TMEM117: variants seen among roughly 807,000 people sequenced by gnomAD.
The protein encoded by TMEM117 is transmembrane protein 117.
In TMEM117, 27 loss-of-function variants were observed where a neutral mutation model predicts 52.4. The observed-to-expected ratio is 0.51, with a 90% CI of 0.38 to 0.71. The LOEUF is 0.71. Among genes scored for constraint, TMEM117 ranks in the 30% least tolerant of loss-of-function variants. The pLI is 0.00. For synonymous variants in TMEM117, 215 were observed against 206.3 expected, an observed-to-expected ratio of 1.04 and a Z score of -0.36; for missense variants, 556 against 630.5, an observed-to-expected ratio of 0.88 and a Z score of 1.26.
At chr12:44,220,679 G>A (rs918973772) in intron 5 of TMEM117, among the ~76,000 whole-genome samples, 11 of 152,180 alleles carry the variant, frequency 7.2e-5, no homozygotes, top group African/African-American at 2.4e-4. Flanking sequence ...TAAATCTGGG[G>A]TAGAGAATAT....
intron 3 of TMEM117, among the ~76,000 whole-genome samples, chr12:44,117,795 AATG>A (rs1359677738): frequency 2.0e-5 from 3 of 152,026 alleles, no homozygotes; most frequent in Non-Finnish European, 4.4e-5. Flanking sequence ...TATATGTCGG[AATG>A]ATATTATTTG....
chr12:44,164,126 G>A (rs1376755083), intron 4 of TMEM117, among the ~76,000 whole-genome samples: 6 of 152,114 alleles, frequency 3.9e-5, no homozygotes, highest in African/African-American at 1.4e-4. Flanking sequence ...AGAGAAACCC[G>A]AGAGACAGCA....
intron 4 of TMEM117, among the ~76,000 whole-genome samples, chr12:44,193,940 A>G (rs1949386387): frequency 6.6e-6 from 1 of 152,208 alleles, no homozygotes; most frequent in South Asian, 2.1e-4. Flanking sequence ...AAACACAGAA[A>G]CAAGTGTCAT....
chr12:44,331,236 C>T (rs565386126), intron 6 of TMEM117, among the ~76,000 whole-genome samples: 1 of 151,452 alleles, frequency 6.6e-6, no homozygotes, highest in Non-Finnish European at 1.5e-5. Flanking sequence ...GCAGGTGAGC[C>T]ACCTTAGTAG....
chr12:44,001,886 G>A (rs191023766), intron 3 of TMEM117, among the ~76,000 whole-genome samples: 29 of 152,274 alleles, frequency 1.9e-4, no homozygotes, highest in African/African-American at 7.0e-4. Context: ...ATGTTTTGAG[G>A]ATTCTGCCTT....
intron 5 of TMEM117, among the ~76,000 whole-genome samples, chr12:44,240,960 A>G (rs1310870958): frequency 2.0e-5 from 3 of 151,964 alleles, no homozygotes; most frequent in African/African-American, 4.8e-5. Context: ...TCTCCCCACT[A>G]TTGAATCATG....
chr12:44,139,176 G>C (rs1256934970), intron 3 of TMEM117, among the ~76,000 whole-genome samples: 1 of 152,062 alleles, frequency 6.6e-6, no homozygotes, highest in Non-Finnish European at 1.5e-5. Context: ...GTGAAGTATG[G>C]ATCCATATTG....
intron 5 of TMEM117, among the ~76,000 whole-genome samples, chr12:44,285,565 CAA>C (rs1950628680): frequency 6.6e-6 from 1 of 152,200 alleles, no homozygotes; most frequent in South Asian, 2.1e-4. Flanking sequence ...TTCCTGATCT[CAA>C]GAGTAGGAAA....
At chr12:43,898,305 C>A (rs1296681010) in intron 2 of TMEM117, among the ~76,000 whole-genome samples, 1 of 150,986 alleles carries the variant, frequency 6.6e-6, no homozygotes, top group Non-Finnish European at 1.5e-5. Context: ...CATATGAATG[C>A]CCTTTTAGGT....
chr12:44,255,805 A>G (rs972569945), intron 5 of TMEM117, among the ~76,000 whole-genome samples: 2 of 152,130 alleles, frequency 1.3e-5, no homozygotes, highest in African/African-American at 2.4e-5. Context: ...ATTTTCCGCT[A>G]TACCCTTTTC....
chr12:43,797,129 G>T, the TMEM117 span: 1 of 1,551,864 alleles, frequency 6.4e-7, no homozygotes, highest in East Asian at 2.3e-5. Context: ...AATATAATTA[G>T]CATATCAATA....
At chr12:44,053,006 G>C (rs12319385) in intron 3 of TMEM117, among the ~76,000 whole-genome samples, 3,717 of 152,136 alleles carry the variant, frequency 0.024, 82 homozygotes, top group Middle Eastern at 0.058. Flanking sequence ...TCCAGGTCAG[G>C]GTGCAAAAGT....
chr12:43,878,974 C>G (rs1943850032), intron 2 of TMEM117, among the ~76,000 whole-genome samples: 1 of 152,098 alleles, frequency 6.6e-6, no homozygotes, highest in South Asian at 2.1e-4. Context: ...CTTGATTAGC[C>G]AGTAATACTT....
chr12:43,885,303 CTTG>C (rs1943971786), intron 2 of TMEM117, among the ~76,000 whole-genome samples: 1 of 152,044 alleles, frequency 6.6e-6, no homozygotes, highest in Non-Finnish European at 1.5e-5. Flanking sequence ...CCTGTGTAGG[CTTG>C]TTGTCAACAT....
chr12:44,179,170 G>C (rs993745482), intron 4 of TMEM117, among the ~76,000 whole-genome samples: 14 of 152,038 alleles, frequency 9.2e-5, no homozygotes, highest in African/African-American at 3.4e-4. Context: ...TCCAGCCTGG[G>C]CAACAAGAGC....
chr12:43,845,192 G>A (rs1051898854), intron 2 of TMEM117, among the ~76,000 whole-genome samples: 1 of 152,094 alleles, frequency 6.6e-6, no homozygotes, highest in African/African-American at 2.4e-5. Context: ...CAGGTGTGGT[G>A]GCTCACGCCA....
At position 44,352,148 on chromosome 12, in the gene TMEM117, G is replaced by A. The variant is rs1294715679; in HGVS notation, c.769-24447G>A. Among the ~76,000 whole-genome samples, 3 of 151,986 alleles carry A rather than the reference G, an allele frequency of 2.0e-5. No individual in the cohort carries two copies. The East Asian group carries it at 5.8e-4, about 29-fold the overall frequency. The stretch of plus-strand genomic sequence containing the variant: ...TAAAAAGCTAAATACTTGAGGGGAT[G>A]GACACCCCATTTTTCATTATGTGAT... On this transcript the variant is annotated intron_variant, in intron 6 of 7. Coordinates refer to ENST00000266534, the MANE Select transcript of TMEM117 (RefSeq NM_032256.3).
chr12:43,859,157 A>G (rs1675771), intron 2 of TMEM117, among the ~76,000 whole-genome samples: 110,146 of 152,150 alleles, frequency 0.72, 43,218 homozygotes, highest in East Asian at 0.94. Context: ...TCTGTGTTCG[A>G]TTACTGTTTC....
At chr12:44,167,600 G>A (rs1232386318) in intron 4 of TMEM117, among the ~76,000 whole-genome samples, 6 of 152,068 alleles carry the variant, frequency 3.9e-5, no homozygotes, top group Non-Finnish European at 4.4e-5. Flanking sequence ...CCGGGAGGCA[G>A]AATTTGCAGT....
Sources: allele counts gnomAD v4.1 joint callset (sites outside exome capture counted in the v4.1 genomes callset), GRCh38; gene constraint gnomAD v4.1.1; transcripts MANE v1.5; gene names NCBI Gene and HGNC (gene_info 2026-07-23, HGNC 2026-07-21).